The following SERPINA1 variants were observed in gnomAD, a reference collection of about 807,000 sequenced individuals.
The protein encoded by SERPINA1 is serpin family A member 1.
Under a neutral mutation model 25.4 loss-of-function variants are expected in SERPINA1, and 21 were observed. The observed-to-expected ratio is 0.83, with a 90% CI of 0.59 to 1.19. The LOEUF is 1.19. Ranked by LOEUF, SERPINA1 falls within the 50% of genes most tolerant of loss-of-function variation. The pLI is 0.00. For missense variants in SERPINA1, 546 were observed against 509.0 expected (o/e 1.07, Z -0.70); for synonymous variants, 218 against 211.1 (o/e 1.03, Z -0.29).
rs1195052172 is a variant in SERPINA1 at position 94,378,318 on chromosome 14, A to G, written c.*131T>C. 5.0e-6 allele frequency: 4 copies of G among 805,614 alleles called. No individual in the cohort carries two copies. The East Asian group carries it at 1.0e-4, about 20-fold the overall frequency. The allele number at this position is 805,614 out of a possible 1,614,324, so 49.9% of individuals were successfully genotyped here. The stretch of plus-strand genomic sequence containing the variant: ...GAGCCCACATACAGCCTCAGCAGGC[A>G]AAGGGAGACTCAGAGAAAACATGGG... On this transcript the variant is annotated 3_prime_UTR_variant, in exon 5 of 5. Coordinates refer to ENST00000393087, the MANE Select transcript of SERPINA1 (RefSeq NM_000295.5).
intron 2 of SERPINA1, among the ~76,000 whole-genome samples, 172 bp downstream of exon 2, chr14:94,382,420 A>G (rs1448128928): frequency 1.3e-5 from 2 of 152,238 alleles, no homozygotes; most frequent in Non-Finnish European, 2.9e-5. Context: ...TCCTCAAATT[A>G]CTCAATGATG....
At position 94,378,445 on chromosome 14, in the gene SERPINA1, G is replaced by A. The variant is rs773192775; in HGVS notation, c.*4C>T. The A allele has an allele frequency of 1.9e-6, 3 of 1,613,918 alleles. No homozygotes were observed. Among genetic ancestry groups the A allele is most frequent in the Non-Finnish European group, 1.7e-6 (2 of 1,179,818 alleles). The stretch of plus-strand genomic sequence containing the variant: ...GAGGGGAGGGGTTGAGGAGCGAGAG[G>A]CAGTTATTTTTGGGTGGGATTCACC... On this transcript the variant is annotated 3_prime_UTR_variant, in exon 5 of 5. Coordinates refer to ENST00000393087, the MANE Select transcript of SERPINA1 (RefSeq NM_000295.5).
upstream of SERPINA1, chr14:94,388,948 T>C (rs1362686374): frequency 1.3e-5 from 2 of 152,228 alleles, no homozygotes; most frequent in Non-Finnish European, 2.9e-5. Context: ...GTTCCACTGG[T>C]AGCAAGATCT....
chr14:94,385,569 C>T (rs111882988), intron 1 of SERPINA1, among the ~76,000 whole-genome samples: 11 of 152,334 alleles, frequency 7.2e-5, no homozygotes, highest in African/African-American at 2.2e-4. Context: ...CCTCTTGATC[C>T]GCCTGCCTTG....
chr14:94,379,157 C>A, intron 4 of SERPINA1: 1 of 589,614 alleles, frequency 1.7e-6, no homozygotes, highest in Admixed American at 3.0e-5. Flanking sequence ...TTAGCCCAAA[C>A]CTTTCTGTGT....
chr14:94,381,184 G>A (rs1436757690), intron 2 of SERPINA1, 43 bp from the exon 3 acceptor site: 1 of 1,592,262 alleles, frequency 6.3e-7, no homozygotes, highest in East Asian at 2.2e-5. Flanking sequence ...GTGAGTGAAG[G>A]TTTGGAAGAG....
chr14:94,385,312 C>G (rs980072691), intron 1 of SERPINA1, among the ~76,000 whole-genome samples: 1 of 152,234 alleles, frequency 6.6e-6, no homozygotes, highest in Admixed American at 6.5e-5. Context: ...CACTGGGGCC[C>G]TCTGTACACT....
intron 1 of SERPINA1, among the ~76,000 whole-genome samples, chr14:94,388,352 C>T (rs1205105832): frequency 6.6e-5 from 10 of 152,066 alleles, no homozygotes; most frequent in African/African-American, 1.4e-4. Context: ...GAGGGGGGAC[C>T]GGGCAGGACT....
At chr14:94,389,784 C>G (rs896796319), upstream of SERPINA1, 2 of 152,272 alleles carry the variant, frequency 1.3e-5, no homozygotes, top group African/African-American at 4.8e-5. Context: ...CACCTTGGGG[C>G]TCTACCAGGC....
At chr14:94,384,304 T>C (rs968169278) in intron 1 of SERPINA1, among the ~76,000 whole-genome samples, 4 of 152,160 alleles carry the variant, frequency 2.6e-5, no homozygotes, top group African/African-American at 9.7e-5. Flanking sequence ...TATGAGAATT[T>C]AGTGAAATAA....
intron 2 of SERPINA1, among the ~76,000 whole-genome samples, chr14:94,381,760 GC>G (rs1896938179): frequency 6.6e-6 from 1 of 152,156 alleles, no homozygotes; most frequent in South Asian, 2.1e-4. Context: ...AGGGACCTGG[GC>G]CCCCACTAAG....
At chr14:94,379,644 A>T (rs796554672) in intron 3 of SERPINA1, 33 bp from the exon 4 acceptor site, 16 of 1,613,972 alleles carry the variant, frequency 9.9e-6, no homozygotes, top group Non-Finnish European at 1.4e-5. Context: ...AAGGCATGGC[A>T]CAGCATTCCT....
In SERPINA1 at chr14:94,378,173, T is replaced by A. The variant is rs1896498946; in HGVS notation, c.*276A>T. The stretch of plus-strand genomic sequence containing the variant: ...AAGACTGGAGCCCTCCAGAAACAGA[T>A]GGGCCCAGGTCCGTAAGCTGAGGAT... On this transcript the variant is annotated 3_prime_UTR_variant, in exon 5 of 5. Coordinates refer to ENST00000393087, the MANE Select transcript of SERPINA1 (RefSeq NM_000295.5). The A allele has an allele frequency of 1.9e-6, 1 of 527,886 alleles. No individual in the cohort carries two copies. Among genetic ancestry groups the A allele is most frequent in the Admixed American group, 3.2e-5 (1 of 31,076 alleles). 32.7% of individuals were successfully genotyped at this position (527,886 alleles called of 1,614,324 possible).
intron 2 of SERPINA1, 28 bp from the exon 3 acceptor site, chr14:94,381,169 CA>C: frequency 6.2e-7 from 1 of 1,606,604 alleles, no homozygotes; most frequent in African/African-American, 1.3e-5. Context: ...TGGGCATCAC[CA>C]GGGGTGAGTG....
chr14:94,388,626 T>A (rs1476522164), upstream of SERPINA1: 2 of 152,328 alleles, frequency 1.3e-5, no homozygotes, highest in Non-Finnish European at 2.9e-5. Context: ...CTCGTCCGTA[T>A]TTAAGCAGTG....
At chr14:94,383,399 A>T (rs1015002362) in intron 1 of SERPINA1, 158 bp from the exon 2 acceptor site, 1 of 717,640 alleles carries the variant, frequency 1.4e-6, no homozygotes, top group African/African-American at 1.8e-5. Context: ...TCAGAAGAAT[A>T]GCAAAATGTA....
Position 94,382,865 on chromosome 14 carries a change from G to A in SERPINA1, c.373C>T (p.Arg125Cys), listed in dbSNP as rs766025736. ...TGGCTGTCTGGCTGGTTGAGGGTAC[G>A]GAGGAGTTCCTGGAAGCCTTCATGG... ...QIHEGFQELL[R>C]TLNQPDSQLQ... Residue 125 changes from arginine to cysteine, a missense_variant, in exon 2 of 5, where the codon CGT (arginine) becomes TGT (cysteine). Arg to Cys is a radical substitution (Grantham distance 180, BLOSUM62 -3). Coordinates refer to ENST00000393087, the MANE Select transcript of SERPINA1 (RefSeq NM_000295.5). 3.3e-5 allele frequency: 54 copies of A among 1,614,086 alleles called. No individual in the cohort carries two copies. The highest frequency in any genetic ancestry group is 1.6e-4 in the Middle Eastern group (1 of 6,084).
intron 1 of SERPINA1, among the ~76,000 whole-genome samples, chr14:94,385,664 G>A (rs551105753): frequency 1.1e-3 from 169 of 152,316 alleles, no homozygotes; most frequent in African/African-American, 3.8e-3. Flanking sequence ...GTTCAATGTA[G>A]CAAAACAGAT....
chr14:94,378,657 C>A lies in SERPINA1; in HGVS notation c.1066-17G>T, dbSNP rs1338970222. ...ATGCACGGCCTGGAGGGGAGAGAAG[C>A]AGAGACACGTTGTAAGGCTGATCCC... On this transcript the variant is annotated splice_polypyrimidine_tract_variant and intron_variant, in intron 4 of 4. Coordinates refer to ENST00000393087, the MANE Select transcript of SERPINA1 (RefSeq NM_000295.5). 1 of 1,613,736 alleles carries A rather than the reference C, an allele frequency of 6.2e-7. No homozygotes were observed.
Sources: allele counts gnomAD v4.1 joint callset (sites outside exome capture counted in the v4.1 genomes callset), GRCh38; gene constraint gnomAD v4.1.1; transcripts MANE v1.5; gene names NCBI Gene and HGNC (gene_info 2026-07-23, HGNC 2026-07-21).